RFC1: variants seen among roughly 807,000 people sequenced by gnomAD.
The protein encoded by RFC1 is replication factor C subunit 1.
In RFC1, 37 loss-of-function variants were observed where a neutral mutation model predicts 137.4. The observed-to-expected ratio is 0.27, with a 90% CI of 0.21 to 0.35. RFC1 has a LOEUF of 0.35. RFC1 is among the 10% of genes least tolerant of loss of function. RFC1 has a pLI of 1.00. For synonymous variants in RFC1, 429 were observed against 455.7 expected, an observed-to-expected ratio of 0.94 and a Z score of 0.75; for missense variants, 1,205 against 1,358.5, an observed-to-expected ratio of 0.89 and a Z score of 1.78.
chr4:39,362,202 G>A (rs558196921), intron 1 of RFC1, among the ~76,000 whole-genome samples: 23 of 152,306 alleles, frequency 1.5e-4, no homozygotes, highest in Admixed American at 1.2e-3. Flanking sequence ...TTCATGGATC[G>A]GAAGATGTAA....
At chr4:39,366,133 C>A in intron 1 of RFC1, 106 bp downstream of exon 1, 2 of 1,285,700 alleles carry the variant, frequency 1.6e-6, no homozygotes, top group Non-Finnish European at 2.1e-6. Flanking sequence ...TCCGGAACCA[C>A]CCACCGCCAT....
chr4:39,360,713 C>A (rs575550368), intron 1 of RFC1, among the ~76,000 whole-genome samples: 36 of 151,446 alleles, frequency 2.4e-4, no homozygotes, highest in Non-Finnish European at 3.8e-4. Context: ...CCAGCCTGAG[C>A]AACAGAGCGA....
chr4:39,299,991 C>G (rs764262135), intron 21 of RFC1, 30 bp downstream of exon 21: 1 of 1,263,610 alleles, frequency 7.9e-7, no homozygotes, highest in East Asian at 2.3e-5. Context: ...AAAAGCAGAG[C>G]CTGCATGTTA....
chr4:39,366,038 T>C (rs1742008909), intron 1 of RFC1, among the ~76,000 whole-genome samples: 1 of 152,206 alleles, frequency 6.6e-6, no homozygotes, highest in Non-Finnish European at 1.5e-5. Context: ...GCGCGCTGGC[T>C]GCCGCCCAGA....
chr4:39,366,011 G>T (rs1028051061), intron 1 of RFC1, among the ~76,000 whole-genome samples: 1 of 152,150 alleles, frequency 6.6e-6, no homozygotes, highest in East Asian at 1.9e-4. Context: ...GCAAGTACAC[G>T]TAGCAACAAA....
In RFC1 at chr4:39,315,691, C is replaced by T. The variant is rs183510192; in HGVS notation, c.1203+1224G>A. ...CTCATGCCAATAACAAGATCATCCC[C>T]AATACTCTTTCTTCTCACTTTCCAC... On this transcript the variant is annotated intron_variant, in intron 10 of 24. Coordinates refer to ENST00000349703, the MANE Select transcript of RFC1 (RefSeq NM_002913.5). 4.4e-4 allele frequency among the ~76,000 whole-genome samples: 67 copies of T among 152,302 alleles called. 1 individual carries two copies. The highest frequency in any genetic ancestry group is 1.4e-3 in the Admixed American group (21 of 15,304).
At position 39,316,907 on chromosome 4, in the gene RFC1, AC is replaced by A; in HGVS notation, c.1203+7del. On this transcript the variant is annotated splice_region_variant and intron_variant, in intron 10 of 24. Coordinates refer to ENST00000349703, the MANE Select transcript of RFC1 (RefSeq NM_002913.5). The stretch of plus-strand genomic sequence containing the variant: ...TCACAGAATGGCATGCCCTCTCAGT[AC>A]TCTTACCTTTGGTATTTCTTTGGAG... The A allele has an allele frequency of 6.3e-7, 1 of 1,587,476 alleles. No individual in the cohort carries two copies. Among genetic ancestry groups the A allele is most frequent in the Non-Finnish European group, 8.7e-7 (1 of 1,155,964 alleles).
intron 12 of RFC1, among the ~76,000 whole-genome samples, chr4:39,311,111 G>A (rs1738941554): frequency 6.6e-6 from 1 of 152,056 alleles, no homozygotes. Flanking sequence ...ACTGCACTCC[G>A]ACCTGAGGGA....
At chr4:39,322,785 A>G (rs73238570) in intron 7 of RFC1, among the ~76,000 whole-genome samples, 79 of 152,086 alleles carry the variant, frequency 5.2e-4, no homozygotes, top group Non-Finnish European at 9.3e-4. Flanking sequence ...TCTCAAAAAA[A>G]AAAAAAAGAA....
intron 24 of RFC1, among the ~76,000 whole-genome samples, chr4:39,289,231 T>C (rs1422498722): frequency 6.6e-6 from 1 of 152,218 alleles, no homozygotes; most frequent in Non-Finnish European, 1.5e-5. Flanking sequence ...TAAACAGTCA[T>C]TTTGTGAAAG....
At chr4:39,328,056 C>G (rs1354306691) in intron 4 of RFC1, among the ~76,000 whole-genome samples, 2 of 152,094 alleles carry the variant, frequency 1.3e-5, no homozygotes, top group African/African-American at 4.8e-5. Context: ...GGATATAAAC[C>G]CAGGAGGTTG....
intron 9 of RFC1, among the ~76,000 whole-genome samples, chr4:39,318,503 T>C (rs1739360561): frequency 6.6e-6 from 1 of 152,260 alleles, no homozygotes; most frequent in Non-Finnish European, 1.5e-5. Flanking sequence ...GTCAGAATTA[T>C]TTGACCAAGA....
chr4:39,296,866 C>T (rs1738040321), intron 21 of RFC1, among the ~76,000 whole-genome samples: 2 of 150,924 alleles, frequency 1.3e-5, no homozygotes, highest in African/African-American at 2.4e-5. Context: ...TACAGTCCCA[C>T]CAACAATGTA....
At chr4:39,326,674 T>C in intron 5 of RFC1, 34 bp from the exon 6 acceptor site, 1 of 1,570,318 alleles carries the variant, frequency 6.4e-7, no homozygotes, top group Non-Finnish European at 8.7e-7. Flanking sequence ...AAAATCAGCA[T>C]AAACCTTAAG....
chr4:39,347,137 T>G (rs1740899108), intron 2 of RFC1, among the ~76,000 whole-genome samples: 1 of 152,244 alleles, frequency 6.6e-6, no homozygotes, highest in South Asian at 2.1e-4. Flanking sequence ...ATTTCATATG[T>G]GAACCTGACT....
Position 39,349,618 on chromosome 4 carries a change from T to C in RFC1, c.132+1730A>G, listed in dbSNP as rs118097446. Among the ~76,000 whole-genome samples the C allele has an allele frequency of 7.1e-4, 108 of 152,288 alleles. 3 individuals are homozygous for C. In the East Asian group the frequency reaches 0.018, roughly 25 times the overall value. On this transcript the variant is annotated intron_variant, in intron 2 of 24. Transcript: ENST00000349703. ...AGTATTTTGTCATGGTGGCCTGAAC[T>C]AACACATGACCCAAAGAATCAGGAC...
intron 10 of RFC1, among the ~76,000 whole-genome samples, chr4:39,316,537 C>T (rs1189145771): frequency 1.3e-5 from 2 of 152,254 alleles, no homozygotes; most frequent in African/African-American, 4.8e-5. Context: ...GGACCAGGTT[C>T]CTCTGTTATA....
At chr4:39,299,770 C>T (rs1738246656) in intron 21 of RFC1, among the ~76,000 whole-genome samples, 1 of 152,000 alleles carries the variant, frequency 6.6e-6, no homozygotes, top group African/African-American at 2.4e-5. Context: ...ACAGGATTAG[C>T]TGGGTATGGT....
chr4:39,329,801 G>A (rs1216785815), intron 4 of RFC1, among the ~76,000 whole-genome samples: 2 of 152,160 alleles, frequency 1.3e-5, no homozygotes, highest in African/African-American at 4.8e-5. Flanking sequence ...CCGGGAGGCC[G>A]AGATGGGCGG....
Sources: gnomAD v4.1 joint callset for allele counts (sites outside exome capture counted in the v4.1 genomes callset) on GRCh38, gnomAD v4.1.1 for gene constraint, MANE v1.5 for transcripts, NCBI Gene and HGNC (gene_info 2026-07-23, HGNC 2026-07-21) for gene names.